The following CTNNA3 variants were observed in gnomAD, a reference collection of about 807,000 sequenced individuals.
CTNNA3 encodes catenin alpha 3.
In CTNNA3, 76 loss-of-function variants were observed where a neutral mutation model predicts 95.7. The ratio of observed to expected loss-of-function variants is 0.79; its 90% CI spans 0.66 to 0.96. The LOEUF (loss-of-function observed/expected upper bound fraction) is 0.96, where lower values mean the gene tolerates loss of function less well. Ranked by LOEUF, CTNNA3 falls within the 40% of genes least tolerant of loss-of-function variation. The probability of loss-of-function intolerance (pLI) is 0.00; values close to 1 mark genes in which losing one functional copy is unlikely to be tolerated. For synonymous variants in CTNNA3, 431 were observed against 374.4 expected (o/e 1.15, Z -1.74); for missense variants, 1,191 against 1,089.8 (o/e 1.09, Z -1.31).
At chr10:66,580,234 A>ATTT (rs1287737122) in intron 10 of CTNNA3, among the ~76,000 whole-genome samples, 1 of 151,146 alleles carries the variant, frequency 6.6e-6, no homozygotes, top group Non-Finnish European at 1.5e-5. Flanking sequence ...GTAACATTCT[A>ATTT]TTTTTTTATT....
chr10:66,804,177 T>C (rs982112491), intron 7 of CTNNA3, among the ~76,000 whole-genome samples: 2 of 152,090 alleles, frequency 1.3e-5, no homozygotes, highest in Non-Finnish European at 2.9e-5. Flanking sequence ...AAAGAAATAA[T>C]ATATTTCAAG....
At chr10:66,269,010 G>A (rs539647991) in intron 13 of CTNNA3, among the ~76,000 whole-genome samples, 16 of 152,224 alleles carry the variant, frequency 1.1e-4, no homozygotes, top group Middle Eastern at 3.4e-3. Context: ...CTGAGATCTG[G>A]GGGTTGTATT....
At chr10:67,479,273 C>T (rs1314726461) in intron 5 of CTNNA3, among the ~76,000 whole-genome samples, 1 of 152,156 alleles carries the variant, frequency 6.6e-6, no homozygotes, top group Non-Finnish European at 1.5e-5. Flanking sequence ...GAATATTCCA[C>T]TCAACAGCCA....
At chr10:66,223,155 A>G (rs2089063290) in intron 13 of CTNNA3, among the ~76,000 whole-genome samples, 1 of 152,084 alleles carries the variant, frequency 6.6e-6, no homozygotes, top group African/African-American at 2.4e-5. Context: ...CTTTTGGACA[A>G]TATTTTGTTT....
chr10:67,167,842 G>A (rs1013015005), intron 7 of CTNNA3, among the ~76,000 whole-genome samples: 10 of 152,060 alleles, frequency 6.6e-5, no homozygotes, highest in African/African-American at 2.2e-4. Flanking sequence ...TAAAAATATA[G>A]AGGTTATCGG....
At chr10:67,608,955 T>A (rs1589483772) in intron 2 of CTNNA3, among the ~76,000 whole-genome samples, 1 of 152,062 alleles carries the variant, frequency 6.6e-6, no homozygotes, top group African/African-American at 2.4e-5. Context: ...CCGGGCATGG[T>A]GGCGCATGCC....
Position 65,920,141 on chromosome 10 carries a change from C to T in CTNNA3, c.*189G>A. On this transcript the variant is annotated 3_prime_UTR_variant, in exon 18 of 18. Coordinates refer to ENST00000433211, the MANE Select transcript of CTNNA3 (RefSeq NM_013266.4). ...ATATTCCTTAACTATTAGGTGCTGA[C>T]CATACAGAAATGACAGTGATATGAT... The T allele has an allele frequency of 5.0e-6, 3 of 594,170 alleles. 1 individual carries two copies. Among genetic ancestry groups the T allele is most frequent in the South Asian group, 4.2e-5 (2 of 47,624 alleles). The allele number at this position is 594,170 out of a possible 1,614,324, so 36.8% of individuals were successfully genotyped here.
intron 1 of CTNNA3, among the ~76,000 whole-genome samples, chr10:67,660,930 CAAA>C (rs71006158): frequency 3.8e-5 from 4 of 104,774 alleles, no homozygotes; most frequent in African/African-American, 5.9e-5. Context: ...GACTCCGTCT[CAAA>C]AAAAAAAAAA....
intron 5 of CTNNA3, among the ~76,000 whole-genome samples, chr10:67,343,721 C>T (rs181902329): frequency 1.2e-3 from 186 of 151,788 alleles, no homozygotes; most frequent in Non-Finnish European, 1.5e-3. Context: ...TCACTTCTTC[C>T]TTTCCAATTG....
intron 11 of CTNNA3, among the ~76,000 whole-genome samples, chr10:66,512,836 C>G (rs1284309834): frequency 1.3e-5 from 2 of 152,080 alleles, no homozygotes; most frequent in Non-Finnish European, 2.9e-5. Context: ...ATCATCCTAT[C>G]CTCTCCTAGC....
At chr10:66,297,268 C>G (rs2091794278) in intron 12 of CTNNA3, among the ~76,000 whole-genome samples, 1 of 151,990 alleles carries the variant, frequency 6.6e-6, no homozygotes, top group South Asian at 2.1e-4. Flanking sequence ...AAAGACGGAT[C>G]TACAGATTCC....
rs182408298 is a variant in CTNNA3, at chr10:67,279,615, C to T, written c.580-59745G>A. Among the ~76,000 whole-genome samples, 76 of 139,526 alleles carry T rather than the reference C, an allele frequency of 5.4e-4. 5 individuals carry two copies. The highest frequency in any genetic ancestry group is 2.0e-3 in the African/African-American group (73 of 36,328). 91.5% of individuals were successfully genotyped at this position (139,526 alleles called of 152,430 possible). A position where few individuals can be genotyped will look rare whatever the true frequency, so the allele number is the denominator to read the frequency against. On this transcript the variant is annotated intron_variant, in intron 5 of 17. Coordinates refer to ENST00000433211, the MANE Select transcript of CTNNA3 (RefSeq NM_013266.4). ...AGTTAAGGTGAACACTATGTAGCTA[C>T]GGGGAGATATTTAACCTTTTATCTG...
At chr10:66,063,027 G>A (rs1175336397) in intron 15 of CTNNA3, among the ~76,000 whole-genome samples, 1 of 151,782 alleles carries the variant, frequency 6.6e-6, no homozygotes, top group Admixed American at 6.6e-5. Context: ...AATACTACAA[G>A]GAGGTCTGTA....
intron 1 of CTNNA3, among the ~76,000 whole-genome samples, chr10:67,737,992 A>G (rs1841312615): frequency 6.6e-6 from 1 of 152,252 alleles, no homozygotes; most frequent in African/African-American, 2.4e-5. Context: ...CAGAGCTTCC[A>G]GAAGTAGGAG....
chr10:67,284,249 G>A (rs1002296194), intron 5 of CTNNA3, among the ~76,000 whole-genome samples: 1 of 152,156 alleles, frequency 6.6e-6, no homozygotes, highest in Non-Finnish European at 1.5e-5. Context: ...TGTTCTCATT[G>A]CTTTTAAGGA....
intron 11 of CTNNA3, among the ~76,000 whole-genome samples, chr10:66,496,566 A>G (rs10997192): frequency 0.082 from 12,533 of 152,256 alleles, 1,211 homozygotes; most frequent in East Asian, 0.32. Flanking sequence ...AGGACAATAA[A>G]GAAGTAATGA....
At position 66,321,657 on chromosome 10, in the gene CTNNA3, A is replaced by C. The variant is rs1280363737; in HGVS notation, c.1733-41036T>G. ...AATGCCAAGATTTAAATTTCAAAATACTGATTGTTTCCATAAACAAAGATA... is the reference window on the plus strand; with the variant it reads ...AATGCCAAGATTTAAATTTCAAAATCCTGATTGTTTCCATAAACAAAGATA... On this transcript the variant is annotated intron_variant, in intron 12 of 17. Transcript: ENST00000433211. Among the ~76,000 whole-genome samples the C allele has an allele frequency of 1.3e-5, 2 of 152,146 alleles. 1 individual carries two copies. Among genetic ancestry groups the C allele is most frequent in the Non-Finnish European group, 2.9e-5 (2 of 68,000 alleles).
intron 1 of CTNNA3, among the ~76,000 whole-genome samples, chr10:67,762,826 A>G (rs1324972192): frequency 6.6e-6 from 1 of 152,224 alleles, no homozygotes; most frequent in Admixed American, 6.5e-5. Context: ...GACATTGTAT[A>G]GAAAAGCACT....
intron 13 of CTNNA3, among the ~76,000 whole-genome samples, chr10:66,182,935 A>G (rs2086132447): frequency 6.6e-6 from 1 of 152,228 alleles, no homozygotes; most frequent in African/African-American, 2.4e-5. Context: ...TCTTTAAACC[A>G]CACTGTGATG....
Sources: allele counts gnomAD v4.1 joint callset (sites outside exome capture counted in the v4.1 genomes callset), GRCh38; gene constraint gnomAD v4.1.1; transcripts MANE v1.5; gene names NCBI Gene and HGNC (gene_info 2026-07-23, HGNC 2026-07-21).